ITGB7: variants seen among roughly 807,000 people sequenced by gnomAD.
The protein encoded by ITGB7 is integrin beta-7.
ITGB7 carries 55 observed loss-of-function variants against 83.4 expected under a neutral mutation model. The ratio of observed to expected loss-of-function variants is 0.66; its 90% confidence interval spans 0.53 to 0.83. The LOEUF (loss-of-function observed/expected upper bound fraction) is 0.83. Among genes scored for constraint, ITGB7 ranks in the 40% least tolerant of loss-of-function variants. The pLI, the probability that ITGB7 is intolerant of heterozygous loss-of-function variation, is 0.00. For synonymous variants in ITGB7, 454 were observed against 423.6 expected, an observed-to-expected ratio of 1.07 and a Z score of -0.88; for missense variants, 921 against 1,046.7, an observed-to-expected ratio of 0.88 and a Z score of 1.66.
At chr12:53,193,968 T>C (rs552419542) in intron 10 of ITGB7, 67 bp from the exon 11 acceptor site, 1 of 1,461,478 alleles carries the variant, frequency 6.8e-7, no homozygotes, top group Non-Finnish European at 9.4e-7. Flanking sequence ...AACTCACCAA[T>C]CATCCAGAAC....
rs1193097339 is a variant in ITGB7 at position 53,191,409 on chromosome 12, T to C, written c.*147A>G. ...GCATGGGAAGCAGCCCTCTTGGGTG[T>C]CACTCTGAAAATGAAGTAGGGTGGT... On this transcript the variant is annotated 3_prime_UTR_variant, in exon 16 of 16. Transcript: ENST00000267082. The C allele has an allele frequency of 2.9e-6, 2 of 690,572 alleles. No individual in the cohort carries two copies. Among genetic ancestry groups the C allele is most frequent in the Non-Finnish European group, 5.2e-6 (2 of 383,438 alleles). The allele number at this position is 690,572 out of a possible 1,614,324, so 42.8% of individuals were successfully genotyped here.
chr12:53,192,789 AT>A lies in ITGB7; in HGVS notation c.1847del (p.His616LeufsTer60), dbSNP rs777329451. The A allele has an allele frequency of 6.2e-7, 1 of 1,614,250 alleles. No individual in the cohort carries two copies. The highest frequency in any genetic ancestry group is 1.1e-5 in the South Asian group (1 of 91,082). ...ISPEGGLCSG[H>X]GRCKCNRCQC... Reference sequence around the variant, plus strand: ...GGCAGCGGTTGCATTTGCAGCGTCCATGCCCACTGCAGAGCCCTCCCTCGGG... The same window carrying A: ...GGCAGCGGTTGCATTTGCAGCGTCCAGCCCACTGCAGAGCCCTCCCTCGGG... On this transcript the variant is annotated frameshift_variant, in exon 13 of 16. Transcript: ENST00000267082. LOFTEE classifies it high-confidence loss of function.
Position 53,193,154 on chromosome 12 carries a change from C to T in ITGB7, c.1712G>A (p.Gly571Asp), listed in dbSNP as rs755276411. Residue 571 changes from glycine (G) to aspartate (D), a missense_variant, in exon 12 of 16, where the codon GGC becomes GAC. By Grantham distance (94) the Gly-to-Asp change is moderately conservative. Transcript: ENST00000267082. ...CDDASCERHE[G>D]ILCGGFGRCQ... ...GCTCCAGGTACCTCCGCAGAGGATGCCCTCATGTCGCTCACAGCTGGCATC... is the reference window on the plus strand; with the variant it reads ...GCTCCAGGTACCTCCGCAGAGGATGTCCTCATGTCGCTCACAGCTGGCATC... 2.5e-6 allele frequency: 4 copies of T among 1,610,988 alleles called. No homozygotes were observed. Among genetic ancestry groups the T allele is most frequent in the Non-Finnish European group, 2.5e-6 (3 of 1,177,760 alleles).
At chr12:53,194,974 T>G (rs1451477999) in intron 9 of ITGB7, 1 of 201,440 alleles carries the variant, frequency 5.0e-6, no homozygotes, top group African/African-American at 2.3e-5. Flanking sequence ...GTTATCTTTG[T>G]GACCTTGGAC....
Position 53,191,626 on chromosome 12 carries a change from G to A in ITGB7, c.2327C>T (p.Pro776Leu). 6.2e-7 allele frequency: 1 copy of A among 1,613,258 alleles called. No homozygotes were observed. The highest frequency in any genetic ancestry group is 1.7e-5 in the Admixed American group (1 of 60,016). ...QQLNWKQDSN[P>L]LYKSAITTTI... ...GGTCGTGATGGCACTTTTGTAGAGA[G>A]GATTACTGTCCTGGAGAAAGATGTT... Residue 776 changes from proline (P) to leucine (L), a missense_variant, in exon 16 of 16, where the codon CCT becomes CTT. Physicochemically the swap from Pro to Leu is moderately conservative, Grantham distance 98 (BLOSUM62 -3). Transcript: ENST00000267082.
At chr12:53,196,234 G>A (rs755551718) in intron 6 of ITGB7, 35 bp from the exon 7 acceptor site, 9 of 1,606,736 alleles carry the variant, frequency 5.6e-6, no homozygotes, top group Non-Finnish European at 7.7e-6. Flanking sequence ...CTATGCACCT[G>A]GGCATGGCCC....
At chr12:53,196,481 T>A in intron 6 of ITGB7, 98 bp downstream of exon 6, 2 of 1,444,840 alleles carry the variant, frequency 1.4e-6, no homozygotes, top group Non-Finnish European at 1.9e-6. Flanking sequence ...AACTATGGTA[T>A]GAATGGCACC....
In ITGB7 at chr12:53,196,718, G is replaced by A. The variant is rs1218677423; in HGVS notation, c.677C>T (p.Pro226Leu). ...GGACAGCACATGGTGAAAGCTGAAT[G>A]GTGACTGGCAGCGCTCCAGCCGGGT... ...CPTRLERCQS[P>L]FSFHHVLSLT... The change falls in exon 6 of 16, where the codon CCA becomes CTA. Residue 226 changes from proline (P) to leucine (L), a missense_variant. Physicochemically the swap from Pro to Leu is moderately conservative, Grantham distance 98. Coordinates refer to ENST00000267082, the MANE Select transcript of ITGB7 (RefSeq NM_000889.3). 5 of 1,613,108 alleles carry A rather than the reference G, an allele frequency of 3.1e-6. No homozygotes were observed. Among genetic ancestry groups the A allele is most frequent in the Admixed American group, 1.7e-5 (1 of 59,750 alleles).
rs368105066 is a variant in ITGB7 at position 53,192,913 on chromosome 12, G to A, written c.1727-3C>T. The stretch of plus-strand genomic sequence containing the variant: ...TCCACATTGGCAGCGACCAAAGCCT[G>A]GGGTAGAGCCATGCAGAGGGTGACA... On this transcript the variant is annotated splice_region_variant and splice_polypyrimidine_tract_variant and intron_variant, in intron 12 of 15. Transcript: ENST00000267082. 1 of 1,613,548 alleles carries A rather than the reference G, an allele frequency of 6.2e-7. No homozygotes were observed. The highest frequency in any genetic ancestry group is 1.3e-5 in the African/African-American group (1 of 75,050).
In ITGB7 at chr12:53,195,651, G is replaced by A; in HGVS notation, c.1046C>T (p.Thr349Ile). The change falls in exon 8 of 16, where the codon ACC (threonine) becomes ATC (isoleucine). Residue 349 changes from threonine to isoleucine, a missense_variant. Transcript: ENST00000267082. ...AANIQPIFAV[T>I]SAALPVYQEL... is the part of the protein sequence containing the mutation. ...CTGGTAGACAGGCAGTGCGGCACTG[G>A]TGACAGCAAAGATGGGCTGGATATT... The A allele has an allele frequency of 6.2e-7, 1 of 1,614,108 alleles. No individual in the cohort carries two copies. The highest frequency in any genetic ancestry group is 8.5e-7 in the Non-Finnish European group (1 of 1,179,974).
intron 3 of ITGB7, among the ~76,000 whole-genome samples, chr12:53,198,789 C>G (rs1942252270): frequency 6.6e-6 from 1 of 152,222 alleles, no homozygotes; most frequent in Non-Finnish European, 1.5e-5. Context: ...GACTAAGACC[C>G]ACAGCTCCTT....
At chr12:53,197,461 G>A in intron 5 of ITGB7, 32 bp downstream of exon 5, 1 of 1,613,200 alleles carries the variant, frequency 6.2e-7, no homozygotes, top group African/African-American at 1.3e-5. Flanking sequence ...ATAGGCAAGG[G>A]CTAACAGGGC....
chr12:53,193,962 C>T (rs1042019795), intron 10 of ITGB7, 61 bp from the exon 11 acceptor site: 5 of 1,478,334 alleles, frequency 3.4e-6, no homozygotes, highest in Non-Finnish European at 4.6e-6. Flanking sequence ...ACCCCAAACT[C>T]ACCAATCATC....
In ITGB7 at chr12:53,193,812, C is replaced by CTG; in HGVS notation, c.1397_1398insCA (p.Ile467ArgfsTer42). The CTG allele has an allele frequency of 6.2e-7, 1 of 1,614,080 alleles. No individual in the cohort carries two copies. The highest frequency in any genetic ancestry group is 8.5e-7 in the Non-Finnish European group (1 of 1,180,008). On this transcript the variant is annotated frameshift_variant, in exon 11 of 16. Transcript: ENST00000267082. LOFTEE classifies it high-confidence loss of function. ...CACACAGCGTGTGCAACTCCACAAT[C>CTG]AGCTCCTCTGAGAAGCCAAGGGCCC...
chr12:53,206,844 T>A (rs567450903), intron 1 of ITGB7: 1 of 152,236 alleles, frequency 6.6e-6, no homozygotes, highest in Non-Finnish European at 1.5e-5. Flanking sequence ...GGGGGTGATG[T>A]TGGAAGAACC....
intron 9 of ITGB7, 166 bp from the exon 10 acceptor site, chr12:53,194,510 A>G (rs921206894): frequency 1.1e-5 from 7 of 631,680 alleles, no homozygotes; most frequent in Non-Finnish European, 1.9e-5. Context: ...AGGACCCGTG[A>G]GAACCTTGCA....
chr12:53,205,762 C>T (rs1942428777), intron 1 of ITGB7, among the ~76,000 whole-genome samples: 1 of 152,178 alleles, frequency 6.6e-6, no homozygotes, highest in Non-Finnish European at 1.5e-5. Flanking sequence ...AGCCTGGGCC[C>T]AGAGTCAGGT....
At chr12:53,192,640 A>G (rs776944916) in intron 13 of ITGB7, 51 bp downstream of exon 13, 3 of 1,599,862 alleles carry the variant, frequency 1.9e-6, no homozygotes. Context: ...GGAGTAGCTC[A>G]ACAAGCCCCA....
chr12:53,191,963 C>T lies in ITGB7; in HGVS notation c.2212G>A (p.Val738Met), dbSNP rs1472062944. ...VLGCVGGIVA[V>M]GLGLVLAYRL... ...TAAGCCAGGACCAGCCCCAGCCCCACTGCCACGATGCCCCCTACGCAGCCC... is the reference window on the plus strand; with the variant it reads ...TAAGCCAGGACCAGCCCCAGCCCCATTGCCACGATGCCCCCTACGCAGCCC... Residue 738 changes from valine (V) to methionine (M), a missense_variant, in exon 15 of 16, where the codon GTG becomes ATG. Transcript: ENST00000267082. 1 of 1,612,262 alleles carries T rather than the reference C, an allele frequency of 6.2e-7. No homozygotes were observed. The highest frequency in any genetic ancestry group is 1.1e-5 in the South Asian group (1 of 91,078).
Sources: gnomAD v4.1 joint callset for allele counts (sites outside exome capture counted in the v4.1 genomes callset) on GRCh38, gnomAD v4.1.1 for gene constraint, MANE v1.5 for transcripts, NCBI Gene and HGNC (gene_info 2026-07-23, HGNC 2026-07-21) for gene names.